The following MARCHF1 variants were observed in gnomAD, a reference collection of about 807,000 sequenced individuals.
MARCHF1 encodes the protein membrane associated ring-CH-type finger 1, also known as E3 ubiquitin-protein ligase MARCHF1.
In MARCHF1, 40 loss-of-function variants were observed where a neutral mutation model predicts 54.2. The observed-to-expected ratio is 0.74, with a 90% CI of 0.57 to 0.96. The LOEUF (loss-of-function observed/expected upper bound fraction) is 0.96. MARCHF1 is among the 40% of genes least tolerant of loss of function. The pLI is 0.00. For missense variants in MARCHF1, 586 were observed against 656.5 expected, an observed-to-expected ratio of 0.89 and a Z score of 1.17; for synonymous variants, 236 against 236.3, an observed-to-expected ratio of 1.00 and a Z score of 0.01.
rs192244155 is a variant in MARCHF1 at position 164,188,238 on chromosome 4, C to T, written c.-322-76576G>A. ...ATATACACAAATACTTTCTCGATGC[C>T]GGCCGAGACAGCACAGACAGACCGA... On this transcript the variant is annotated intron_variant, in intron 1 of 9. Transcript: ENST00000514618. The T allele has an allele frequency of 3.9e-3, 951 of 244,706 alleles. 7 individuals are homozygous for T. The highest frequency in any genetic ancestry group is 0.02 in the African/African-American group (883 of 45,044). The allele number at this position is 244,706 out of a possible 1,614,324, so 15.2% of individuals were successfully genotyped here. A position where few individuals can be genotyped will look rare whatever the true frequency, so the allele number is the denominator to read the frequency against.
At chr4:164,302,273 T>A (rs2111398451) in intron 1 of MARCHF1, among the ~76,000 whole-genome samples, 1 of 152,306 alleles carries the variant, frequency 6.6e-6, no homozygotes, top group Admixed American at 6.5e-5. Flanking sequence ...TTATGGGCTA[T>A]TTTTTATACC....
chr4:164,203,240 C>T (rs949565946), intron 1 of MARCHF1, among the ~76,000 whole-genome samples: 2 of 151,506 alleles, frequency 1.3e-5, no homozygotes, highest in Non-Finnish European at 2.9e-5. Flanking sequence ...AATAATGAAG[C>T]AATTTTATTG....
chr4:164,140,774 A>G (rs1050439760), intron 1 of MARCHF1, among the ~76,000 whole-genome samples: 1 of 103,228 alleles, frequency 9.7e-6, no homozygotes, highest in Non-Finnish European at 2.7e-5. Context: ...ACATACATAC[A>G]CACACACACA....
intron 9 of MARCHF1, chr4:163,530,792 A>T (rs1305808470): frequency 1.3e-5 from 2 of 151,912 alleles, no homozygotes; most frequent in Non-Finnish European, 2.9e-5. Flanking sequence ...ACTAACTCCT[A>T]ATACGCAAGG....
intron 3 of MARCHF1, among the ~76,000 whole-genome samples, chr4:163,885,752 A>C (rs541130682): frequency 6.6e-6 from 1 of 151,972 alleles, no homozygotes; most frequent in African/African-American, 2.4e-5. Flanking sequence ...TATATGGCTT[A>C]TTATATGTAA....
intron 3 of MARCHF1, among the ~76,000 whole-genome samples, chr4:163,956,532 C>T (rs957683125): frequency 1.3e-5 from 2 of 152,014 alleles, no homozygotes; most frequent in Admixed American, 1.3e-4. Flanking sequence ...TTAACTGTTT[C>T]TTTAAGCAAC....
At chr4:164,369,653 ACTATAATGTAC>A (rs1357281160) in intron 1 of MARCHF1, among the ~76,000 whole-genome samples, 10 of 152,172 alleles carry the variant, frequency 6.6e-5, no homozygotes, top group Non-Finnish European at 1.2e-4. Context: ...GTACTTACGT[ACTATAATGTAC>A]CTATAATGTA....
chr4:163,842,666 T>C (rs1162655294), intron 4 of MARCHF1, among the ~76,000 whole-genome samples: 2 of 152,182 alleles, frequency 1.3e-5, no homozygotes, highest in Admixed American at 6.5e-5. Flanking sequence ...CAGGTGCTCA[T>C]GGCACGTAGT....
At chr4:164,051,327 G>T (rs982873303) in intron 2 of MARCHF1, among the ~76,000 whole-genome samples, 4 of 152,088 alleles carry the variant, frequency 2.6e-5, no homozygotes, top group African/African-American at 9.7e-5. Context: ...AGACTATTTA[G>T]CCAACTCGAT....
chr4:164,323,557 A>G (rs1206684903), intron 1 of MARCHF1, among the ~76,000 whole-genome samples: 1 of 141,210 alleles, frequency 7.1e-6, no homozygotes, highest in Admixed American at 7.1e-5. Flanking sequence ...GAAGATACCA[A>G]TGAAGCAAAT....
intron 4 of MARCHF1, among the ~76,000 whole-genome samples, chr4:163,788,854 C>G (rs533229212): frequency 5.9e-5 from 9 of 152,130 alleles, no homozygotes; most frequent in African/African-American, 1.9e-4. Context: ...CTTTAGCAGA[C>G]AGCAATCTCA....
chr4:163,717,445 T>C (rs113610378), intron 4 of MARCHF1, among the ~76,000 whole-genome samples: 6,016 of 149,714 alleles, frequency 0.04, 177 homozygotes, highest in African/African-American at 0.078. Context: ...TGAATGCTGC[T>C]GCAATAAACA....
intron 2 of MARCHF1, among the ~76,000 whole-genome samples, chr4:164,064,124 T>C (rs1754677847): frequency 6.6e-6 from 1 of 152,206 alleles, no homozygotes; most frequent in African/African-American, 2.4e-5. Flanking sequence ...TTTTGTCTTA[T>C]GATTGTCTTG....
At chr4:163,942,210 G>A (rs1043259443) in intron 3 of MARCHF1, among the ~76,000 whole-genome samples, 11 of 152,254 alleles carry the variant, frequency 7.2e-5, no homozygotes, top group African/African-American at 2.6e-4. Context: ...TTGGAAAAGT[G>A]ACCAACTCCA....
intron 1 of MARCHF1, among the ~76,000 whole-genome samples, chr4:164,247,596 T>A (rs1579657995): frequency 1.2e-5 from 1 of 86,914 alleles, no homozygotes; most frequent in African/African-American, 4.1e-5. Context: ...ACCCTAAAAC[T>A]TAAAGTATAA....
chr4:164,141,631 C>G (rs182113011), intron 1 of MARCHF1, among the ~76,000 whole-genome samples: 2 of 152,208 alleles, frequency 1.3e-5, no homozygotes, highest in African/African-American at 4.8e-5. Flanking sequence ...CCTGGCGGTG[C>G]GCAAGCTTTG....
chr4:164,197,175 A>G, intron 1 of MARCHF1: 1 of 1,607,844 alleles, frequency 6.2e-7, no homozygotes, highest in Non-Finnish European at 8.5e-7. Flanking sequence ...CCACTACCTG[A>G]GCATCTTCAT....
At chr4:164,276,451 TCTTA>T (rs1733882697) in intron 1 of MARCHF1, among the ~76,000 whole-genome samples, 2 of 152,116 alleles carry the variant, frequency 1.3e-5, no homozygotes, top group South Asian at 4.1e-4. Flanking sequence ...TGTGCACATT[TCTTA>T]GATTACTGGG....
intron 7 of MARCHF1, among the ~76,000 whole-genome samples, chr4:163,601,860 G>A (rs1442915427): frequency 6.6e-6 from 1 of 151,858 alleles, no homozygotes; most frequent in African/African-American, 2.4e-5. Context: ...AAATTGAAGT[G>A]ACTGTTTAGC....
Sources: allele counts gnomAD v4.1 joint callset (sites outside exome capture counted in the v4.1 genomes callset), GRCh38; gene constraint gnomAD v4.1.1; transcripts MANE v1.5; gene names NCBI Gene and HGNC (gene_info 2026-07-23, HGNC 2026-07-21).